The following TG variants were observed in gnomAD, a reference collection of about 807,000 sequenced individuals.
TG encodes thyroglobulin, also known as thyroid hormones.
A neutral mutation model predicts 324.7 loss-of-function variants in TG; 270 were observed. The observed-to-expected ratio is 0.83, with a 90% CI of 0.75 to 0.92. The LOEUF is 0.92. Among genes scored for constraint, TG ranks in the 40% least tolerant of loss-of-function variants. TG has a pLI of 0.00. For missense variants in TG, 3,591 were observed against 3,456.4 expected (o/e 1.04, Z -0.98); for synonymous variants, 1,401 against 1,327.0 (o/e 1.06, Z -1.21).
chr8:132,955,957 C>T (rs1333600062), intron 27 of TG, among the ~76,000 whole-genome samples: 6 of 152,190 alleles, frequency 3.9e-5, no homozygotes, highest in South Asian at 2.1e-4. Flanking sequence ...ACAGGGGCAG[C>T]GACCCTGATT....
At chr8:132,927,271 C>G (rs1822010578) in intron 22 of TG, among the ~76,000 whole-genome samples, 1 of 151,894 alleles carries the variant, frequency 6.6e-6, no homozygotes, top group Non-Finnish European at 1.5e-5. Context: ...TCATATTCTC[C>G]CTCCCTCCCT....
intron 27 of TG, among the ~76,000 whole-genome samples, chr8:132,959,563 G>A (rs375993153): frequency 1.3e-4 from 20 of 152,238 alleles, no homozygotes; most frequent in East Asian, 5.8e-4. Flanking sequence ...ATGTAAGTAC[G>A]CCCTATGATC....
chr8:133,102,793 A>T (rs955814102), intron 43 of TG: 5 of 501,660 alleles, frequency 1.0e-5, no homozygotes. Flanking sequence ...TTCCAAGCAC[A>T]GGCATCTCCA....
In TG at chr8:132,886,700, C is replaced by G. The variant is rs749114918; in HGVS notation, c.1328C>G (p.Ala443Gly). 6 of 1,614,090 alleles carry G rather than the reference C, an allele frequency of 3.7e-6. No individual in the cohort carries two copies. In the African/African-American group the frequency reaches 8.0e-5, roughly 22 times the overall value. Residue 443 changes from alanine to glycine, a missense_variant, in exon 9 of 48, where the codon GCC (alanine) becomes GGC (glycine). Transcript: ENST00000220616. Reference protein sequence around the residue: ...FSVSENLLKEAIRAIFPSRGL... With the variant: ...FSVSENLLKEGIRAIFPSRGL... ...GTCTCAGAAAATCTTCTCAAAGAAG[C>G]CATCCGAGCAATTTTTCCCTCCCGA...
At chr8:133,125,285 G>T (rs767972141) in intron 45 of TG, among the ~76,000 whole-genome samples, 6 of 152,162 alleles carry the variant, frequency 3.9e-5, no homozygotes, top group African/African-American at 1.4e-4. Flanking sequence ...GCATATGTTC[G>T]GATAACAGTA....
At chr8:132,881,771 T>A in intron 5 of TG, 92 bp from the exon 6 acceptor site, 1 of 852,134 alleles carries the variant, frequency 1.2e-6, no homozygotes, top group Non-Finnish European at 2.0e-6. Flanking sequence ...TCCTTTTCAC[T>A]AGGCGTGGAC....
intron 41 of TG, among the ~76,000 whole-genome samples, chr8:133,043,955 C>T (rs1321743735): frequency 6.6e-6 from 1 of 152,194 alleles, no homozygotes; most frequent in Non-Finnish European, 1.5e-5. Context: ...GTAAAAGTGG[C>T]TGGCATTTAA....
chr8:133,007,226 G>A lies in TG; in HGVS notation c.6263-4675G>A, dbSNP rs544683380. On this transcript the variant is annotated intron_variant, in intron 35 of 47. Coordinates refer to ENST00000220616, the MANE Select transcript of TG (RefSeq NM_003235.5). ...TGAAATGTCATGGGACTGGAGTGGCGCTGGAAGGAGTAAGACCGGGAGAAG... is the reference window on the plus strand; with the variant it reads ...TGAAATGTCATGGGACTGGAGTGGCACTGGAAGGAGTAAGACCGGGAGAAG... Among the ~76,000 whole-genome samples the A allele has an allele frequency of 1.1e-4, 17 of 152,154 alleles. No individual in the cohort carries two copies. In the East Asian group the frequency reaches 2.3e-3, roughly 21 times the overall value.
At chr8:132,933,533 G>A in intron 23 of TG, 28 bp from the exon 24 acceptor site, 1 of 1,609,588 alleles carries the variant, frequency 6.2e-7, no homozygotes, top group African/African-American at 1.3e-5. Flanking sequence ...GGAAAGCCAG[G>A]TGAGTGACCG....
chr8:132,895,876 A>G (rs1817018028), intron 11 of TG, among the ~76,000 whole-genome samples: 1 of 152,202 alleles, frequency 6.6e-6, no homozygotes, highest in Admixed American at 6.5e-5. Flanking sequence ...CATTTTCTTC[A>G]GAAGTCGAGC....
intron 41 of TG, among the ~76,000 whole-genome samples, chr8:133,078,692 A>G (rs1230718267): frequency 6.6e-6 from 1 of 152,206 alleles, no homozygotes; most frequent in African/African-American, 2.4e-5. Context: ...TTCAAAGCTA[A>G]ACACTCTTTT....
intron 41 of TG, among the ~76,000 whole-genome samples, chr8:133,072,217 A>G (rs553525539): frequency 2.6e-5 from 4 of 152,332 alleles, no homozygotes; most frequent in Admixed American, 1.3e-4. Context: ...CTGTTTGACA[A>G]CAAAAGAGAA....
At chr8:133,016,180 C>T (rs924936274) in intron 37 of TG, among the ~76,000 whole-genome samples, 2 of 152,176 alleles carry the variant, frequency 1.3e-5, no homozygotes, top group African/African-American at 2.4e-5. Flanking sequence ...CTGCTTGACT[C>T]CTTAACCAAT....
chr8:133,072,187 C>T (rs2739151), intron 41 of TG, among the ~76,000 whole-genome samples: 92,958 of 152,100 alleles, frequency 0.61, 28,899 homozygotes, highest in East Asian at 0.79. Flanking sequence ...TGCTAAGGAG[C>T]GAAGTGTGAC....
intron 2 of TG, among the ~76,000 whole-genome samples, chr8:132,869,494 G>C (rs757617779): frequency 5.9e-5 from 9 of 152,202 alleles, no homozygotes; most frequent in Non-Finnish European, 5.9e-5. Flanking sequence ...TGGCAGGCTG[G>C]ACAGGTGGTG....
chr8:132,888,442 T>A lies in TG; in HGVS notation c.2635T>A (p.Tyr879Asn). 2 of 1,612,720 alleles carry A rather than the reference T, an allele frequency of 1.2e-6. No individual in the cohort carries two copies. The highest frequency in any genetic ancestry group is 1.7e-6 in the Non-Finnish European group (2 of 1,178,984). Residue 879 changes from tyrosine (Y) to asparagine (N), a missense_variant, in exon 10 of 48, where the codon TAC (tyrosine) becomes AAC (asparagine). By Grantham distance (143) the Tyr-to-Asn change is moderately radical (BLOSUM62 -2). Transcript: ENST00000220616. ...WQILNGQLSQYPGSYSDFSTP... is the reference protein window; with the variant it reads ...WQILNGQLSQNPGSYSDFSTP... ...GATCTTAAATGGCCAACTCAGCCAA[T>A]ACCCGGGGTCCTACTCAGACTTCAG...
intron 35 of TG, among the ~76,000 whole-genome samples, chr8:132,996,071 G>A (rs1832849362): frequency 6.6e-6 from 1 of 152,192 alleles, no homozygotes; most frequent in Non-Finnish European, 1.5e-5. Flanking sequence ...GGAGTAGTCT[G>A]GATGAAGTCC....
chr8:133,118,937 G>A (rs1429634208), intron 45 of TG, among the ~76,000 whole-genome samples: 1 of 152,162 alleles, frequency 6.6e-6, no homozygotes, highest in East Asian at 1.9e-4. Context: ...ATAGATGAGA[G>A]CCAGAGGGAG....
intron 16 of TG, among the ~76,000 whole-genome samples, chr8:132,904,255 A>G (rs77345875): frequency 0.16 from 24,721 of 152,090 alleles, 2,798 homozygotes; most frequent in African/African-American, 0.33. Context: ...GGCAGTGCTC[A>G]CAAACTCTTG....
Sources: gnomAD v4.1 joint callset for allele counts (sites outside exome capture counted in the v4.1 genomes callset) on GRCh38, gnomAD v4.1.1 for gene constraint, MANE v1.5 for transcripts, NCBI Gene and HGNC (gene_info 2026-07-23, HGNC 2026-07-21) for gene names.